The following SORBS3 variants were observed in gnomAD, a reference collection of about 807,000 sequenced individuals.
SORBS3 encodes sorbin and SH3 domain containing 3.
Under a neutral mutation model 98.0 loss-of-function variants are expected in SORBS3, and 69 were observed. That is an observed-to-expected ratio of 0.70 (90% CI 0.58 to 0.86). SORBS3 has a LOEUF of 0.86. Among genes scored for constraint, SORBS3 ranks in the 40% least tolerant of loss-of-function variants. The pLI is 0.00. For synonymous variants in SORBS3, 394 were observed against 355.4 expected, an observed-to-expected ratio of 1.11 and a Z score of -1.22; for missense variants, 954 against 908.5, an observed-to-expected ratio of 1.05 and a Z score of -0.64.
At chr8:22,548,297 G>A (rs1223302392), upstream of SORBS3, among the ~76,000 whole-genome samples, 4 of 152,290 alleles carry the variant, frequency 2.6e-5, no homozygotes, top group South Asian at 8.3e-4. Context: ...AACTTGGCTG[G>A]CAACATTTGC....
At chr8:22,560,196 C>G (rs1289800933) in intron 5 of SORBS3, among the ~76,000 whole-genome samples, 1 of 152,064 alleles carries the variant, frequency 6.6e-6, no homozygotes, top group Non-Finnish European at 1.5e-5. Context: ...TTAAGACTAG[C>G]TGGGTGTGGT....
In SORBS3 at chr8:22,572,401, G is replaced by C; in HGVS notation, c.1909G>C (p.Asp637His). 6.2e-7 allele frequency: 1 copy of C among 1,614,072 alleles called. No homozygotes were observed. The highest frequency in any genetic ancestry group is 8.5e-7 in the Non-Finnish European group (1 of 1,179,996). The part of the protein sequence containing the change: ...NEDELELREG[D>H]RVDVMQQCDD... ...AGACGAGCTGGAGCTGCGCGAGGGG[G>C]ACAGGGTGGATGTCATGCAGCAGTG... The change falls in exon 20 of 21, where the codon GAC (aspartate) becomes CAC (histidine). Residue 637 changes from aspartate (D) to histidine (H), a missense_variant. Physicochemically the swap from Asp to His is moderately conservative, Grantham distance 81 (BLOSUM62 -1). Transcript: ENST00000240123.
chr8:22,565,979 G>C (rs1312047630), intron 12 of SORBS3, 107 bp downstream of exon 12: 60 of 786,474 alleles, frequency 7.6e-5, no homozygotes, highest in Non-Finnish European at 9.9e-5. Context: ...GCCCAGCCGG[G>C]GGAGGAAGGA....
At chr8:22,564,786 C>A (rs1840369855) in intron 10 of SORBS3, 1 of 1,349,352 alleles carries the variant, frequency 7.4e-7, no homozygotes, top group African/African-American at 1.5e-5. Flanking sequence ...AGGAAATATT[C>A]TTGGAGGTGG....
chr8:22,568,082 C>T (rs922955017), intron 16 of SORBS3, among the ~76,000 whole-genome samples: 2 of 152,146 alleles, frequency 1.3e-5, no homozygotes, highest in African/African-American at 4.8e-5. Flanking sequence ...GAACTCCTGA[C>T]CTCAGGTGAT....
rs778222629 is a variant in SORBS3 at position 22,571,801 on chromosome 8, C to G, written c.1827C>G (p.Thr609=). The G allele has an allele frequency of 6.2e-7, 1 of 1,612,584 alleles. No homozygotes were observed. The highest frequency in any genetic ancestry group is 8.5e-7 in the Non-Finnish European group (1 of 1,178,702). Reference sequence around the variant, plus strand: ...ACCTGGGGACCTCCTCTCCTAACACCTCTCAGATACACTGGACCCCGTGAG... The same window carrying G: ...ACCTGGGGACCTCCTCTCCTAACACGTCTCAGATACACTGGACCCCGTGAG... The part of the protein sequence containing the change: ...PLDLGTSSPN[T]SQIHWTPYRA... Residue 609 remains threonine, a synonymous_variant, in exon 19 of 21, where the codon ACC becomes ACG. Coordinates refer to ENST00000240123, the MANE Select transcript of SORBS3 (RefSeq NM_005775.5).
At chr8:22,562,782 C>T (rs936318375) in intron 7 of SORBS3, among the ~76,000 whole-genome samples, 7 of 152,200 alleles carry the variant, frequency 4.6e-5, no homozygotes, top group Non-Finnish European at 7.4e-5. Context: ...ATGTTTTGCA[C>T]ATAGCAAGCC....
chr8:22,566,207 TG>T, intron 12 of SORBS3, 137 bp from the exon 13 acceptor site: 1 of 1,155,078 alleles, frequency 8.7e-7, no homozygotes, highest in Non-Finnish European at 1.2e-6. Context: ...GGACATCCTG[TG>T]GAGAGCCCAG....
chr8:22,559,581 T>C (rs952143705), intron 5 of SORBS3, among the ~76,000 whole-genome samples: 4 of 151,982 alleles, frequency 2.6e-5, no homozygotes, highest in Admixed American at 6.5e-5. Flanking sequence ...CATGCACCTG[T>C]AATCCCAGCT....
chr8:22,556,432 C>A lies in SORBS3; in HGVS notation c.221-283C>A, dbSNP rs138925108. Among the ~76,000 whole-genome samples the A allele has an allele frequency of 5.1e-3, 770 of 152,314 alleles. 7 individuals carry two copies. Among genetic ancestry groups the A allele is most frequent in the African/African-American group, 0.018 (728 of 41,546 alleles). On this transcript the variant is annotated intron_variant, in intron 3 of 20. Coordinates refer to ENST00000240123, the MANE Select transcript of SORBS3 (RefSeq NM_005775.5). ...CCCCAGCTGGGATGTCCCCTGCATTCTCTACAAGTAATGATTTCCAGACCT... is the reference window on the plus strand; with the variant it reads ...CCCCAGCTGGGATGTCCCCTGCATTATCTACAAGTAATGATTTCCAGACCT...
rs555932179 is a variant in SORBS3 at position 22,554,804 on chromosome 8, C to A, written c.103-59C>A. 5.5e-6 allele frequency: 8 copies of A among 1,443,366 alleles called. No individual in the cohort carries two copies. The Admixed American group carries it at 1.0e-4, about 18-fold the overall frequency. 89.4% of individuals were successfully genotyped at this position (1,443,366 alleles called of 1,614,324 possible). A position where few individuals can be genotyped will look rare whatever the true frequency, so the allele number is the denominator to read the frequency against. On this transcript the variant is annotated intron_variant, in intron 2 of 20. Transcript: ENST00000240123. This position sits in a 1 kb window ranked among gnomAD's most constrained non-coding sequence, Gnocchi z 6.5. ...GAGGGGTGTGGGCTGTGCCTAGTAG[C>A]CATCCCTCCCTCCCGCCCTGCTGGG...
intron 7 of SORBS3, among the ~76,000 whole-genome samples, chr8:22,562,393 C>G (rs904803965): frequency 1.3e-5 from 2 of 152,184 alleles, no homozygotes; most frequent in African/African-American, 4.8e-5. Context: ...AGAGGAGCCC[C>G]TTGGAGGGAT....
In SORBS3 at chr8:22,556,877, A is replaced by G. The variant is rs144682475; in HGVS notation, c.383A>G (p.Asp128Gly). ...AAGTACGAGGGAATCGGGCCCGTGG[A>G]CGAGAGCGGCATGCCCATTGCCCCC... ...WVKYEGIGPV[D>G]ESGMPIAPRS... Residue 128 changes from aspartate to glycine, a missense_variant, in exon 4 of 21, where the codon GAC becomes GGC. Transcript: ENST00000240123. The G allele has an allele frequency of 1.2e-6, 2 of 1,613,258 alleles. No homozygotes were observed. Among genetic ancestry groups the G allele is most frequent in the Non-Finnish European group, 1.7e-6 (2 of 1,180,036 alleles).
chr8:22,574,809 A>G lies in SORBS3; in HGVS notation c.*81A>G. On this transcript the variant is annotated 3_prime_UTR_variant, in exon 21 of 21. Coordinates refer to ENST00000240123, the MANE Select transcript of SORBS3 (RefSeq NM_005775.5). ...CGTGGGAGGGAGAGGACCCCCGCCCACATCCTCCTTCCCCAGGACCTGAGC... is the reference window on the plus strand; with the variant it reads ...CGTGGGAGGGAGAGGACCCCCGCCCGCATCCTCCTTCCCCAGGACCTGAGC... The G allele has an allele frequency of 7.5e-7, 1 of 1,335,348 alleles. No homozygotes were observed. The highest frequency in any genetic ancestry group is 1.8e-4 in the Middle Eastern group (1 of 5,544). The allele number at this position is 1,335,348 out of a possible 1,614,324, so 82.7% of individuals were successfully genotyped here.
At chr8:22,565,145 G>A (rs1450018097) in intron 10 of SORBS3, 123 bp from the exon 11 acceptor site, 1 of 1,473,036 alleles carries the variant, frequency 6.8e-7, no homozygotes, top group Non-Finnish European at 9.1e-7. Flanking sequence ...CGGCCCGTGC[G>A]CTGAGGCCTG....
intron 7 of SORBS3, 66 bp downstream of exon 7, chr8:22,561,997 G>GC: frequency 4.0e-6 from 6 of 1,501,878 alleles, no homozygotes; most frequent in Non-Finnish European, 5.5e-6. Context: ...CATGGGACGG[G>GC]CGCCCCCTCG....
chr8:22,564,586 C>T (rs1840366068), intron 10 of SORBS3, 65 bp downstream of exon 10: 5 of 1,596,878 alleles, frequency 3.1e-6, no homozygotes, highest in Middle Eastern at 1.7e-4. Context: ...TTTTGGTGGC[C>T]CCAGTAACCA....
intron 6 of SORBS3, 50 bp from the exon 7 acceptor site, chr8:22,561,815 G>A: frequency 6.5e-7 from 1 of 1,531,460 alleles, no homozygotes; most frequent in Non-Finnish European, 9.1e-7. Flanking sequence ...CCCCAGTCAC[G>A]GCCTGTCTCC....
rs200404683 is a variant in SORBS3, at chr8:22,564,045, G to A, written c.643G>A (p.Ala215Thr). 185 of 1,614,002 alleles carry A rather than the reference G, an allele frequency of 1.1e-4. No homozygotes were observed. In the East Asian group the frequency reaches 3.5e-3, roughly 31 times the overall value. ...AAGCACCTTCAACTACAGACCTGGA[G>A]CATTCTCCACTGTGCTGCAGCCCTC... The part of the protein sequence containing the change: ...PRSTFNYRPG[A>T]FSTVLQPSNQ... Residue 215 changes from alanine to threonine, a missense_variant, in exon 8 of 21, where the codon GCA becomes ACA. By Grantham distance (58) the Ala-to-Thr change is moderately conservative. Coordinates refer to ENST00000240123, the MANE Select transcript of SORBS3 (RefSeq NM_005775.5).
Sources: allele counts gnomAD v4.1 joint callset (sites outside exome capture counted in the v4.1 genomes callset), GRCh38; gene constraint gnomAD v4.1.1; non-coding constraint Gnocchi (gnomAD v3.1); transcripts MANE v1.5; gene names NCBI Gene and HGNC (gene_info 2026-07-23, HGNC 2026-07-21).